The following CEP70 variants were observed in gnomAD, a reference collection of about 807,000 sequenced individuals.
The protein encoded by CEP70 is centrosomal protein 70, also known as centrosomal protein of 70 kDa.
CEP70 carries 70 observed loss-of-function variants against 90.9 expected under a neutral mutation model. The observed-to-expected ratio is 0.77, with a 90% CI of 0.64 to 0.94. CEP70 has a LOEUF of 0.94. Ranked by LOEUF, CEP70 falls within the 40% of genes least tolerant of loss-of-function variation. The pLI is 0.00. For synonymous variants in CEP70, 220 were observed against 228.3 expected (o/e 0.96, Z 0.33); for missense variants, 648 against 669.0 (o/e 0.97, Z 0.35).
At chr3:138,496,849 T>C (rs144580130) in intron 17 of CEP70, 1 of 985,472 alleles carries the variant, frequency 1.0e-6, no homozygotes, top group East Asian at 1.1e-4. Flanking sequence ...CCATGCTGAG[T>C]GTCATAATAT....
intron 2 of CEP70, among the ~76,000 whole-genome samples, chr3:138,578,971 C>T (rs917169250): frequency 3.3e-5 from 5 of 152,138 alleles, no homozygotes; most frequent in Non-Finnish European, 5.9e-5. Flanking sequence ...AAAGAGGCAC[C>T]GAAGAGGGTA....
At chr3:138,501,174 T>A (rs924712596) in intron 13 of CEP70, among the ~76,000 whole-genome samples, 1 of 152,116 alleles carries the variant, frequency 6.6e-6, no homozygotes, top group African/African-American at 2.4e-5. Context: ...TAAGTAATTT[T>A]ATGTTATTTA....
chr3:138,507,039 G>A (rs900588001), intron 12 of CEP70, among the ~76,000 whole-genome samples: 15 of 152,104 alleles, frequency 9.9e-5, no homozygotes, highest in Middle Eastern at 3.4e-3. Context: ...CACCATACCC[G>A]GCTTGAATTC....
chr3:138,511,702 G>T (rs1365117684), intron 11 of CEP70, among the ~76,000 whole-genome samples: 1 of 152,186 alleles, frequency 6.6e-6, no homozygotes, highest in African/African-American at 2.4e-5. Context: ...CTTATTGGGA[G>T]CCTAATGATG....
intron 12 of CEP70, 101 bp from the exon 13 acceptor site, chr3:138,505,566 A>G (rs2034910680): frequency 9.5e-6 from 6 of 628,732 alleles, no homozygotes; most frequent in Non-Finnish European, 1.4e-5. Flanking sequence ...TTATATACAC[A>G]TATTTCATTA....
At chr3:138,532,487 A>G in intron 8 of CEP70, 27 bp downstream of exon 8, 1 of 1,476,188 alleles carries the variant, frequency 6.8e-7, no homozygotes, top group South Asian at 1.4e-5. Flanking sequence ...AAAACCTTTA[A>G]AAACTGTAAT....
intron 15 of CEP70, 21 bp downstream of exon 15, chr3:138,500,378 A>T (rs758849772): frequency 6.4e-7 from 1 of 1,557,630 alleles, no homozygotes; most frequent in South Asian, 1.2e-5. Flanking sequence ...GGGGGCCCAA[A>T]ATGACAAATT....
intron 2 of CEP70, among the ~76,000 whole-genome samples, chr3:138,582,107 G>GT (rs2041891771): frequency 1.3e-5 from 2 of 152,034 alleles, no homozygotes; most frequent in South Asian, 2.1e-4. Context: ...GCTAAAGGGA[G>GT]TTTTTTTAAT....
chr3:138,545,621 T>G (rs2039129935), intron 6 of CEP70, among the ~76,000 whole-genome samples: 1 of 152,152 alleles, frequency 6.6e-6, no homozygotes, highest in African/African-American at 2.4e-5. Flanking sequence ...ATATTTTTCT[T>G]CTTTCGGAGA....
At chr3:138,547,061 C>A (rs911812341) in intron 6 of CEP70, among the ~76,000 whole-genome samples, 2 of 152,116 alleles carry the variant, frequency 1.3e-5, no homozygotes, top group Non-Finnish European at 2.9e-5. Flanking sequence ...AAATAAAAAA[C>A]GGATGTGACT....
chr3:138,504,390 T>TTAACAA, intron 13 of CEP70, among the ~76,000 whole-genome samples: 2 of 152,338 alleles, frequency 1.3e-5, no homozygotes, highest in East Asian at 3.9e-4. Context: ...TTCATTCCTT[T>TTAACAA]TAACAAATAT....
At chr3:138,529,658 C>T (rs2037632479) in intron 8 of CEP70, among the ~76,000 whole-genome samples, 196 bp from the exon 9 acceptor site, 1 of 152,154 alleles carries the variant, frequency 6.6e-6, no homozygotes, top group Admixed American at 6.5e-5. Flanking sequence ...TCCATTTACT[C>T]TCTTTTTACT....
chr3:138,565,483 A>C (rs1191773959), intron 6 of CEP70, among the ~76,000 whole-genome samples: 1 of 152,220 alleles, frequency 6.6e-6, no homozygotes, highest in South Asian at 2.1e-4. Context: ...AAGGGTACCA[A>C]AACAGATATA....
intron 2 of CEP70, among the ~76,000 whole-genome samples, chr3:138,579,519 C>T (rs980509418): frequency 6.6e-6 from 1 of 151,620 alleles, no homozygotes; most frequent in South Asian, 2.1e-4. Context: ...AACTCGGATA[C>T]CAGCTCAGTC....
chr3:138,583,947 A>C (rs1278405879), intron 2 of CEP70, among the ~76,000 whole-genome samples: 1 of 152,140 alleles, frequency 6.6e-6, no homozygotes, highest in Non-Finnish European at 1.5e-5. Context: ...AGCAGAAATA[A>C]TGAAATTGAA....
chr3:138,548,432 T>TA (rs1429049540), intron 6 of CEP70, among the ~76,000 whole-genome samples: 4 of 152,198 alleles, frequency 2.6e-5, no homozygotes, highest in Admixed American at 2.6e-4. Context: ...ATGCAATATA[T>TA]AAACTATCAT....
At chr3:138,573,067 A>T in intron 2 of CEP70, 135 bp from the exon 3 acceptor site, 2 of 641,598 alleles carry the variant, frequency 3.1e-6, no homozygotes, top group Non-Finnish European at 5.5e-6. Flanking sequence ...AGGGCAATTC[A>T]GGTCATTCCT....
At chr3:138,517,290 C>T (rs567948600) in intron 11 of CEP70, among the ~76,000 whole-genome samples, 1 of 152,106 alleles carries the variant, frequency 6.6e-6, no homozygotes, top group Non-Finnish European at 1.5e-5. Context: ...CCAGAAACAC[C>T]CCCTTTTAAT....
chr3:138,574,135 G>A (rs1376144037), intron 2 of CEP70, among the ~76,000 whole-genome samples: 1 of 152,150 alleles, frequency 6.6e-6, no homozygotes, highest in Non-Finnish European at 1.5e-5. Context: ...AAGCAGGGTG[G>A]GGCATTGCCT....
Sources: gnomAD v4.1 joint callset for allele counts (sites outside exome capture counted in the v4.1 genomes callset) on GRCh38, gnomAD v4.1.1 for gene constraint, MANE v1.5 for transcripts, NCBI Gene and HGNC (gene_info 2026-07-23, HGNC 2026-07-21) for gene names.